TSPAN18: variants seen among roughly 807,000 people sequenced by gnomAD.
TSPAN18 encodes tetraspanin 18, also known as tetraspanin-18.
Under a neutral mutation model 27.3 loss-of-function variants are expected in TSPAN18, and 14 were observed. The observed-to-expected ratio is 0.51, with a 90% CI of 0.34 to 0.80. The LOEUF is 0.80. Ranked by LOEUF, TSPAN18 falls within the 30% of genes least tolerant of loss-of-function variation. The pLI is 0.01. For synonymous variants in TSPAN18, 143 were observed against 136.5 expected, an observed-to-expected ratio of 1.05 and a Z score of -0.33; for missense variants, 268 against 323.9, an observed-to-expected ratio of 0.83 and a Z score of 1.32.
chr11:44,904,865 G>T (rs1564986724), intron 3 of TSPAN18, among the ~76,000 whole-genome samples: 2 of 152,174 alleles, frequency 1.3e-5, no homozygotes, highest in Non-Finnish European at 2.9e-5. Context: ...CATGGGCCTT[G>T]TCAGTGCTTC....
intron 3 of TSPAN18, among the ~76,000 whole-genome samples, chr11:44,864,006 G>C (rs1192045918): frequency 6.6e-6 from 1 of 152,052 alleles, no homozygotes; most frequent in Non-Finnish European, 1.5e-5. Flanking sequence ...TTGGTGATGG[G>C]GACCGGGCAC....
chr11:44,738,967 G>A (rs1357152784), intron 1 of TSPAN18, among the ~76,000 whole-genome samples: 2 of 152,284 alleles, frequency 1.3e-5, no homozygotes, highest in East Asian at 1.9e-4. Context: ...GCACTCCACC[G>A]CCAGATGGTC....
intron 2 of TSPAN18, among the ~76,000 whole-genome samples, chr11:44,768,537 C>A (rs1255896329): frequency 6.6e-6 from 1 of 151,676 alleles, no homozygotes; most frequent in African/African-American, 2.4e-5. Flanking sequence ...ATGATCATAT[C>A]TTCTGCAAAA....
intron 2 of TSPAN18, among the ~76,000 whole-genome samples, chr11:44,843,441 C>A (rs781708865): frequency 2.0e-5 from 3 of 152,106 alleles, no homozygotes. Flanking sequence ...GGAGGCAGGG[C>A]GAGATCACAA....
At chr11:44,800,811 CTAAT>C (rs1024785821) in intron 2 of TSPAN18, among the ~76,000 whole-genome samples, 1 of 152,170 alleles carries the variant, frequency 6.6e-6, no homozygotes. Context: ...ATAAATCGGG[CTAAT>C]TGCAAAGCTT....
At chr11:44,857,988 A>G (rs1857781222) in intron 2 of TSPAN18, among the ~76,000 whole-genome samples, 1 of 152,188 alleles carries the variant, frequency 6.6e-6, no homozygotes, top group Non-Finnish European at 1.5e-5. Context: ...AGTGATCGAG[A>G]GCTTCCGCTC....
chr11:44,856,429 T>A (rs1819531475), intron 2 of TSPAN18, among the ~76,000 whole-genome samples: 1 of 152,150 alleles, frequency 6.6e-6, no homozygotes, highest in Non-Finnish European at 1.5e-5. Flanking sequence ...TTTGCCCTGG[T>A]CTCTCTGCCT....
rs139330815 is a variant in TSPAN18 at position 44,903,865 on chromosome 11, G to A, written c.-10-2542G>A. The A allele has an allele frequency of 2.8e-3, 1,263 of 456,608 alleles. 4 individuals carry two copies. The highest frequency in any genetic ancestry group is 4.7e-3 in the Non-Finnish European group (1,069 of 226,954). 28.3% of individuals were successfully genotyped at this position (456,608 alleles called of 1,614,324 possible). A position where few individuals can be genotyped will look rare whatever the true frequency, so the allele number is the denominator to read the frequency against. The stretch of plus-strand genomic sequence containing the variant: ...GCTGTGACCTCAGACAAGTCACCTC[G>A]CCTCTGTCTGACTCAGTTTCCACCT... On this transcript the variant is annotated intron_variant, in intron 3 of 9. Coordinates refer to ENST00000520358, the MANE Select transcript of TSPAN18 (RefSeq NM_130783.5).
At chr11:44,731,633 T>TGTGTGTGTGAGA (rs139154582) in intron 1 of TSPAN18, among the ~76,000 whole-genome samples, 71 of 107,432 alleles carry the variant, frequency 6.6e-4, no homozygotes, top group Middle Eastern at 6.0e-3. Context: ...TGTGTGTGTG[T>TGTGTGTGTGAGA]GAGAGAGAGA....
intron 2 of TSPAN18, among the ~76,000 whole-genome samples, chr11:44,838,343 C>A (rs1845356998): frequency 6.6e-6 from 1 of 152,130 alleles, no homozygotes. Flanking sequence ...GACTTAATCA[C>A]TATAATGAGA....
intron 2 of TSPAN18, among the ~76,000 whole-genome samples, chr11:44,814,381 CTTGAG>C (rs1339770661): frequency 6.6e-6 from 1 of 152,088 alleles, no homozygotes; most frequent in Non-Finnish European, 1.5e-5. Context: ...ACTGTCTTGT[CTTGAG>C]TTTTCTCATT....
At chr11:44,884,442 G>A (rs935424230) in intron 3 of TSPAN18, among the ~76,000 whole-genome samples, 5 of 152,210 alleles carry the variant, frequency 3.3e-5, no homozygotes, top group Non-Finnish European at 7.3e-5. Context: ...AAACAGGGCA[G>A]CAGCGTCAGG....
chr11:44,903,955 A>G (rs1402279556), intron 3 of TSPAN18: 1 of 446,908 alleles, frequency 2.2e-6, no homozygotes, highest in Non-Finnish European at 4.5e-6. Context: ...AATGTAAAGT[A>G]TCAGGACGGA....
At chr11:44,843,351 A>G (rs1336476426) in intron 2 of TSPAN18, among the ~76,000 whole-genome samples, 1 of 152,316 alleles carries the variant, frequency 6.6e-6, no homozygotes, top group South Asian at 2.1e-4. Flanking sequence ...GGGAGTTTCA[A>G]AAGGGAAGGG....
At chr11:44,819,916 C>A (rs1044894796) in intron 2 of TSPAN18, among the ~76,000 whole-genome samples, 3 of 152,084 alleles carry the variant, frequency 2.0e-5, no homozygotes, top group Non-Finnish European at 4.4e-5. Flanking sequence ...AGGTGTCTGG[C>A]AAGGGGAAAG....
chr11:44,775,773 T>G (rs1365369156), intron 2 of TSPAN18, among the ~76,000 whole-genome samples: 1 of 152,194 alleles, frequency 6.6e-6, no homozygotes, highest in African/African-American at 2.4e-5. Context: ...GATGACATCT[T>G]TCTCTCCATC....
At chr11:44,795,658 G>A (rs1358886307) in intron 2 of TSPAN18, among the ~76,000 whole-genome samples, 2 of 85,862 alleles carry the variant, frequency 2.3e-5, no homozygotes, top group African/African-American at 6.0e-5. Context: ...GCTTCTGATT[G>A]TCTAAGCTTC....
chr11:44,831,962 G>T (rs1857163756), intron 2 of TSPAN18, among the ~76,000 whole-genome samples: 1 of 152,084 alleles, frequency 6.6e-6, no homozygotes, highest in African/African-American at 2.4e-5. Flanking sequence ...CAGCACCATG[G>T]CCCCTGAAAT....
At chr11:44,828,719 T>C (rs1364345644) in intron 2 of TSPAN18, among the ~76,000 whole-genome samples, 1 of 152,214 alleles carries the variant, frequency 6.6e-6, no homozygotes, top group Non-Finnish European at 1.5e-5. Context: ...CCCCCTTCTG[T>C]AGCCCAGCTG....
Sources: gnomAD v4.1 joint callset for allele counts (sites outside exome capture counted in the v4.1 genomes callset) on GRCh38, gnomAD v4.1.1 for gene constraint, MANE v1.5 for transcripts, NCBI Gene and HGNC (gene_info 2026-07-23, HGNC 2026-07-21) for gene names.